SHROOM2: variants seen among roughly 807,000 people sequenced by gnomAD.
SHROOM2 encodes shroom family member 2.
Under a neutral mutation model 75.9 loss-of-function variants are expected in SHROOM2, and 33 were observed. That is an observed-to-expected ratio of 0.43 (90% CI 0.33 to 0.58). The LOEUF is 0.58. SHROOM2 is among the 20% of genes least tolerant of loss of function. SHROOM2 has a pLI of 0.04. For synonymous variants in SHROOM2, 655 were observed against 663.6 expected, an observed-to-expected ratio of 0.99 and a Z score of 0.20; for missense variants, 1,434 against 1,461.2, an observed-to-expected ratio of 0.98 and a Z score of 0.30.
Position 9,894,973 on chromosome X carries a change from T to G in SHROOM2, c.1065T>G (p.Ala355=). Residue 355 remains alanine (A), a synonymous_variant, in exon 4 of 10, where the codon GCT becomes GCG. Transcript: ENST00000380913. Reference sequence around the variant, plus strand: ...AGCACTTTACGGCCCTGGCCCAGGCTCAGCCTCGTGGTGACCGGAGACCAG... The same window carrying G: ...AGCACTTTACGGCCCTGGCCCAGGCGCAGCCTCGTGGTGACCGGAGACCAG... The part of the protein sequence containing the change: ...AAQHFTALAQ[A]QPRGDRRPEL... The G allele has an allele frequency of 8.3e-7, 1 of 1,209,795 alleles. No homozygotes were observed. Among genetic ancestry groups the G allele is most frequent in the Non-Finnish European group, 1.1e-6 (1 of 895,083 alleles).
chrX:9,868,036 C>G, intron 1 of SHROOM2, among the ~76,000 whole-genome samples: 1 of 109,214 alleles, frequency 9.2e-6, no homozygotes. Flanking sequence ...CACCGAAAAC[C>G]CCACCCGGTC....
At chrX:9,807,735 C>G (rs900858389) in intron 1 of SHROOM2, among the ~76,000 whole-genome samples, 24 of 112,277 alleles carry the variant, frequency 2.1e-4, no homozygotes, top group African/African-American at 7.7e-4. Context: ...CAAGGTGATG[C>G]TTTTCTGTGA....
chrX:9,865,294 C>T (rs993809090), intron 1 of SHROOM2: 5 of 111,744 alleles, frequency 4.5e-5, no homozygotes, highest in African/African-American at 1.6e-4. Context: ...TACTAAAAAA[C>T]TTGCATTTAC....
At position 9,932,315 on chromosome X, in the gene SHROOM2, G is replaced by T. The variant is rs148190447; in HGVS notation, c.3032G>T (p.Arg1011Leu). The stretch of plus-strand genomic sequence containing the variant: ...GAGCTGCCCCGGGAGGGCCGGGGCC[G>T]AGCGGGAACCCTACCTCGAGATTAT... ...APELPREGRG[R>L]AGTLPRDYRY... The change falls in exon 6 of 10, where the codon CGA (arginine) becomes CTA (leucine). Residue 1011 changes from arginine to leucine, a missense_variant. Around this residue, in one of 3 missense-constraint regions of SHROOM2, gnomAD observed 1,340 missense variants for 1,338.3 expected, o/e 1.00. Coordinates refer to ENST00000380913, the MANE Select transcript of SHROOM2 (RefSeq NM_001649.4). 4.8e-5 allele frequency: 58 copies of T among 1,205,866 alleles called. No individual in the cohort carries two copies. The highest frequency in any genetic ancestry group is 6.5e-5 in the Non-Finnish European group (58 of 893,188).
chrX:9,855,072 T>TAA (rs1161845672), intron 1 of SHROOM2, among the ~76,000 whole-genome samples: 4 of 94,582 alleles, frequency 4.2e-5, no homozygotes, highest in Non-Finnish European at 4.3e-5. Flanking sequence ...CCACTCTTTT[T>TAA]AAAAAAAAAA....
chrX:9,865,781 C>T (rs1046215135), intron 1 of SHROOM2, among the ~76,000 whole-genome samples: 7 of 109,887 alleles, frequency 6.4e-5, no homozygotes, highest in African/African-American at 1.3e-4. Context: ...AGGATGGTCT[C>T]GATCTCCTGA....
chrX:9,922,825 C>G (rs1353590710), intron 5 of SHROOM2, among the ~76,000 whole-genome samples: 4 of 110,862 alleles, frequency 3.6e-5, no homozygotes, highest in Non-Finnish European at 7.5e-5. Flanking sequence ...ATGGTCTTTT[C>G]TCTCCTGTGA....
At chrX:9,793,349 G>A (rs1236221483) in intron 1 of SHROOM2, among the ~76,000 whole-genome samples, 17 of 108,912 alleles carry the variant, frequency 1.6e-4, no homozygotes, top group African/African-American at 5.4e-4. Flanking sequence ...GAGTGCAATG[G>A]CATGATCTCG....
chrX:9,922,786 TCA>T (rs922372215), intron 5 of SHROOM2, among the ~76,000 whole-genome samples: 3 of 110,636 alleles, frequency 2.7e-5, no homozygotes, highest in African/African-American at 9.9e-5. Flanking sequence ...GTCTCCTTCC[TCA>T]CACAGTTTCA....
chrX:9,893,617 T>C (rs2084305987), intron 3 of SHROOM2, among the ~76,000 whole-genome samples: 1 of 111,493 alleles, frequency 9.0e-6, no homozygotes, highest in African/African-American at 3.3e-5. Flanking sequence ...ACAGGTGAAA[T>C]AGGAGAAATA....
intron 1 of SHROOM2, among the ~76,000 whole-genome samples, chrX:9,796,541 C>T (rs1420404243): frequency 8.9e-6 from 1 of 112,107 alleles, no homozygotes; most frequent in African/African-American, 3.2e-5. Context: ...CTCTCCTCTA[C>T]CAAAAAACTT....
rs953367159 is a variant in SHROOM2, at chrX:9,805,462, G to A, written c.165+18752G>A. ...TGATGGTATTAGGAGGTGGGGGCCG[G>A]GTGTGGTGGCTCACGCCTGTAATCC... On this transcript the variant is annotated intron_variant, in intron 1 of 9. Transcript: ENST00000380913. Among the ~76,000 whole-genome samples, 38 of 112,014 alleles carry A rather than the reference G, an allele frequency of 3.4e-4. 1 individual carries two copies. The Admixed American group carries it at 3.6e-3, about 11-fold the overall frequency.
At chrX:9,868,276 C>G (rs2084151847) in intron 1 of SHROOM2, among the ~76,000 whole-genome samples, 1 of 109,493 alleles carries the variant, frequency 9.1e-6, no homozygotes. Flanking sequence ...GATGAAGTCT[C>G]ACGCTGTCGC....
intron 1 of SHROOM2, among the ~76,000 whole-genome samples, chrX:9,813,870 C>G (rs2083804851): frequency 8.9e-6 from 1 of 111,985 alleles, no homozygotes; most frequent in Non-Finnish European, 1.9e-5. Context: ...CTACGCACAC[C>G]TTGCCTTTGA....
Position 9,937,615 on chromosome X carries a change from C to T in SHROOM2, c.4069C>T (p.Leu1357Phe), listed in dbSNP as rs778035886. 77 of 1,209,144 alleles carry T rather than the reference C, an allele frequency of 6.4e-5. No individual in the cohort carries two copies. Among genetic ancestry groups the T allele is most frequent in the Admixed American group, 1.1e-4 (5 of 45,683 alleles). Residue 1357 changes from leucine (L) to phenylalanine (F), a missense_variant, in exon 7 of 10, where the codon CTC becomes TTC. By Grantham distance (22) the Leu-to-Phe change is conservative (BLOSUM62 0). Coordinates refer to ENST00000380913, the MANE Select transcript of SHROOM2 (RefSeq NM_001649.4). Reference protein sequence around the residue: ...MEGIFPKDEHLLEEAQQRRKL... With the variant: ...MEGIFPKDEHFLEEAQQRRKL... ...AGGCATCTTCCCCAAAGACGAGCAC[C>T]TCCTGGAAGAAGCCCAGCAACGGAG...
chrX:9,822,347 C>G (rs765922230), intron 1 of SHROOM2, among the ~76,000 whole-genome samples: 23 of 111,781 alleles, frequency 2.1e-4, no homozygotes, highest in Non-Finnish European at 4.1e-4. Context: ...GAGCCAGGGC[C>G]TTGCTCCAGG....
intron 2 of SHROOM2, among the ~76,000 whole-genome samples, chrX:9,887,913 G>T (rs113426196): frequency 0.026 from 2,933 of 113,240 alleles, 93 homozygotes; most frequent in African/African-American, 0.088. Context: ...GTGCTGCCCA[G>T]GCAGTAGCCA....
At chrX:9,888,661 C>CTCAAACT (rs1347202972) in intron 2 of SHROOM2, among the ~76,000 whole-genome samples, 3 of 111,426 alleles carry the variant, frequency 2.7e-5, no homozygotes, top group Non-Finnish European at 5.6e-5. Flanking sequence ...CCAGGCTGAT[C>CTCAAACT]TCAAACTCCT....
intron 5 of SHROOM2, among the ~76,000 whole-genome samples, chrX:9,909,203 T>C (rs2084407955): frequency 9.0e-6 from 1 of 111,173 alleles, no homozygotes; most frequent in Non-Finnish European, 1.9e-5. Context: ...GGGTATGTCA[T>C]AGGGACACAG....
Sources: gnomAD v4.1 joint callset for allele counts (sites outside exome capture counted in the v4.1 genomes callset) on GRCh38, gnomAD v4.1.1 for gene constraint, gnomAD v4.1.1 regional missense constraint, MANE v1.5 for transcripts, NCBI Gene and HGNC (gene_info 2026-07-23, HGNC 2026-07-21) for gene names.